CPNE4: variants seen among roughly 807,000 people sequenced by gnomAD.
The protein encoded by CPNE4 is copine-4.
Under a neutral mutation model 67.9 loss-of-function variants are expected in CPNE4, and 25 were observed. The ratio of observed to expected loss-of-function variants is 0.37; its 90% CI spans 0.27 to 0.51. The LOEUF is 0.51. Ranked by LOEUF, CPNE4 falls within the 20% of genes least tolerant of loss-of-function variation. The probability of loss-of-function intolerance (pLI) is 0.93; values close to 1 mark genes in which losing one functional copy is unlikely to be tolerated. For synonymous variants in CPNE4, 242 were observed against 244.9 expected (o/e 0.99, Z 0.11); for missense variants, 464 against 690.8 (o/e 0.67, Z 3.68).
rs58578151 is a variant in CPNE4 at position 131,924,769 on chromosome 3, A to G, written c.-1-19325T>C. Among the ~76,000 whole-genome samples the G allele has an allele frequency of 6.3e-3, 960 of 152,238 alleles. 48 individuals are homozygous for G. In the East Asian group the frequency reaches 0.12, roughly 19 times the overall value. On this transcript the variant is annotated intron_variant, in intron 1 of 15. Transcript: ENST00000429747. ...ACTTTTTGGCTATAAAGGAAATTAA[A>G]CCCCTAAACTAATCAGTGTAAACGT... is the stretch of plus-strand genomic sequence containing the variant.
intron 2 of CPNE4, among the ~76,000 whole-genome samples, chr3:131,851,163 A>G (rs1283344248): frequency 1.3e-5 from 2 of 152,078 alleles, no homozygotes; most frequent in African/African-American, 4.8e-5. Flanking sequence ...AAGAAAATTC[A>G]CCAAATGGAT....
At chr3:131,580,481 C>T (rs570490043) in intron 9 of CPNE4, among the ~76,000 whole-genome samples, 35 of 150,356 alleles carry the variant, frequency 2.3e-4, no homozygotes, top group Non-Finnish European at 4.4e-4. Flanking sequence ...TGCCTGTATA[C>T]ACACACACAC....
chr3:131,716,140 G>T (rs896203224), intron 3 of CPNE4, among the ~76,000 whole-genome samples: 1 of 152,062 alleles, frequency 6.6e-6, no homozygotes, highest in Non-Finnish European at 1.5e-5. Flanking sequence ...CATGCTTAAG[G>T]CTTCTATTTT....
rs2070767085 is a variant in CPNE4, at chr3:131,922,436, T to C, written c.-1-16992A>G. ...CACAGAATCATCACTACCTCATCCA[T>C]AAACTAAGAGAGACAGGTCTTAAGC... is the stretch of plus-strand genomic sequence containing the variant. On this transcript the variant is annotated intron_variant, in intron 1 of 15. Coordinates refer to ENST00000429747, the MANE Select transcript of CPNE4 (RefSeq NM_130808.3). 2.6e-5 allele frequency among the ~76,000 whole-genome samples: 4 copies of C among 152,146 alleles called. No homozygotes were observed. In the South Asian group the frequency reaches 8.3e-4, roughly 32 times the overall value.
At chr3:131,957,291 A>T (rs753808767) in intron 1 of CPNE4, among the ~76,000 whole-genome samples, 1 of 152,262 alleles carries the variant, frequency 6.6e-6, no homozygotes, top group Non-Finnish European at 1.5e-5. Context: ...CTGGAACAAA[A>T]ATAATAGCTT....
intron 3 of CPNE4, among the ~76,000 whole-genome samples, chr3:131,708,081 C>T (rs2081457971): frequency 5.0e-5 from 1 of 20,092 alleles, no homozygotes; most frequent in Admixed American, 2.5e-4. Context: ...TTATAGTCAC[C>T]TATTGGCTTA....
intron 2 of CPNE4, among the ~76,000 whole-genome samples, chr3:131,747,945 C>G (rs2082532301): frequency 6.6e-6 from 1 of 151,866 alleles, no homozygotes; most frequent in African/African-American, 2.4e-5. Context: ...GAGGAAAGCA[C>G]TCAGTTTTTT....
intron 1 of CPNE4, among the ~76,000 whole-genome samples, chr3:131,946,509 C>G (rs950124193): frequency 6.6e-6 from 1 of 152,130 alleles, no homozygotes; most frequent in African/African-American, 2.4e-5. Flanking sequence ...TAGTCAACAT[C>G]TTTTTATGTG....
At chr3:131,904,361 A>C (rs1039889387) in intron 2 of CPNE4, among the ~76,000 whole-genome samples, 6 of 151,888 alleles carry the variant, frequency 4.0e-5, no homozygotes, top group African/African-American at 1.5e-4. Flanking sequence ...TCCTCAACCA[A>C]CTCAGACTGA....
intron 2 of CPNE4, 85 bp from the exon 3 acceptor site, chr3:131,723,710 C>A: frequency 8.0e-7 from 1 of 1,245,254 alleles, no homozygotes; most frequent in South Asian, 1.4e-5. Context: ...GAGCACTTCC[C>A]TTCTTCCCAA....
chr3:132,024,645 A>G (rs9809632), intron 1 of CPNE4, among the ~76,000 whole-genome samples: 12,796 of 152,278 alleles, frequency 0.084, 685 homozygotes, highest in Non-Finnish European at 0.12. Flanking sequence ...AATATCCAGA[A>G]GGTCAGGATT....
At chr3:131,583,196 G>C (rs1937957660) in intron 8 of CPNE4, among the ~76,000 whole-genome samples, 1 of 152,126 alleles carries the variant, frequency 6.6e-6, no homozygotes, top group South Asian at 2.1e-4. Flanking sequence ...TCATTTAAAG[G>C]CCTAATCTCC....
chr3:131,932,604 C>G (rs1440247776), intron 1 of CPNE4, among the ~76,000 whole-genome samples: 1 of 151,890 alleles, frequency 6.6e-6, no homozygotes, highest in Non-Finnish European at 1.5e-5. Flanking sequence ...GAGGAAGGAA[C>G]ATTTAAGTTG....
rs767689850 is a variant in CPNE4 at position 131,905,273 on chromosome 3, C to T, written c.171G>A (p.Gln57=). 12 of 1,612,508 alleles carry T rather than the reference C, an allele frequency of 7.4e-6. No individual in the cohort carries two copies. Among genetic ancestry groups the T allele is most frequent in the Non-Finnish European group, 9.3e-6 (11 of 1,179,230 alleles). Residue 57 remains glutamine, a synonymous_variant, in exon 2 of 16, where the codon CAG becomes CAA. Coordinates refer to ENST00000429747, the MANE Select transcript of CPNE4 (RefSeq NM_130808.3). ...CATTGGACATGCCTACCTCAAACCA[C>T]TGCCCATGAGACTGCATCTTGAGGA... ...CVILKMQSHG[Q]WFEVDRTEVI...
At position 131,669,865 on chromosome 3, in the gene CPNE4, A is replaced by G. The variant is rs1473677440; in HGVS notation, c.592-101T>C. 21 of 907,682 alleles carry G rather than the reference A, an allele frequency of 2.3e-5. 1 individual carries two copies. In the Middle Eastern group the frequency reaches 1.1e-3, roughly 48 times the overall value. The allele number at this position is 907,682 out of a possible 1,614,324, so 56.2% of individuals were successfully genotyped here. ...TGAGAAACCATTGTGATGCTTATGAAAAGAACAATAGCCTGGAAGAGGTGC... is the reference window on the plus strand; with the variant it reads ...TGAGAAACCATTGTGATGCTTATGAGAAGAACAATAGCCTGGAAGAGGTGC... On this transcript the variant is annotated intron_variant, in intron 6 of 15. Coordinates refer to ENST00000429747, the MANE Select transcript of CPNE4 (RefSeq NM_130808.3).
At chr3:131,573,347 C>T (rs77270531) in intron 10 of CPNE4, among the ~76,000 whole-genome samples, 3,914 of 152,124 alleles carry the variant, frequency 0.026, 160 homozygotes, top group African/African-American at 0.088. Flanking sequence ...TGGTGACAAA[C>T]ACTGAAGTGG....
At chr3:131,629,512 T>C (rs1560011824) in intron 7 of CPNE4, among the ~76,000 whole-genome samples, 1 of 152,134 alleles carries the variant, frequency 6.6e-6, no homozygotes, top group Non-Finnish European at 1.5e-5. Flanking sequence ...GGGTGTGATC[T>C]TGGCTCACTG....
chr3:131,833,255 G>A (rs1472519856), intron 2 of CPNE4, among the ~76,000 whole-genome samples: 1 of 152,202 alleles, frequency 6.6e-6, no homozygotes, highest in Non-Finnish European at 1.5e-5. Context: ...GATTAAGACA[G>A]CAAGCCCAGC....
intron 2 of CPNE4, among the ~76,000 whole-genome samples, chr3:131,744,367 T>C (rs1257793522): frequency 7.0e-6 from 1 of 142,142 alleles, no homozygotes; most frequent in African/African-American, 2.6e-5. Flanking sequence ...AAACTTACTT[T>C]TTAGTGAAAC....
Sources: allele counts gnomAD v4.1 joint callset (sites outside exome capture counted in the v4.1 genomes callset), GRCh38; gene constraint gnomAD v4.1.1; transcripts MANE v1.5; gene names NCBI Gene and HGNC (gene_info 2026-07-23, HGNC 2026-07-21).